The following PDE5A variants were observed in gnomAD, a reference collection of about 807,000 sequenced individuals.
PDE5A encodes cGMP-specific 3',5'-cyclic phosphodiesterase.
In PDE5A, 67 loss-of-function variants were observed where a neutral mutation model predicts 110.2. The observed-to-expected ratio is 0.61, with a 90% confidence interval of 0.50 to 0.75. PDE5A has a LOEUF of 0.75. Among genes scored for constraint, PDE5A ranks in the 30% least tolerant of loss-of-function variants. PDE5A has a pLI of 0.00. For missense variants in PDE5A, 862 were observed against 1,045.1 expected, an observed-to-expected ratio of 0.82 and a Z score of 2.42; for synonymous variants, 328 against 351.2, an observed-to-expected ratio of 0.93 and a Z score of 0.74.
chr4:119,507,534 G>A, intron 16 of PDE5A, 70 bp downstream of exon 16: 1 of 1,000,336 alleles, frequency 1.0e-6, no homozygotes, highest in Non-Finnish European at 1.5e-6. Context: ...TTCTCAATAT[G>A]GATGTCAAAA....
chr4:119,627,272 C>G lies in PDE5A; in HGVS notation c.152+1248G>C. On this transcript the variant is annotated intron_variant, in intron 1 of 20. Transcript: ENST00000354960. This position sits in a 1 kb window ranked among gnomAD's most constrained non-coding sequence, Gnocchi z 4.6. Reference sequence around the variant, plus strand: ...GCGCGCAGGTGAGGTGAGGTGAGGTCGGCGACTCAGAACCAGCTCCCTCAC... The same window carrying G: ...GCGCGCAGGTGAGGTGAGGTGAGGTGGGCGACTCAGAACCAGCTCCCTCAC... 1.9e-6 allele frequency: 3 copies of G among 1,556,420 alleles called. No homozygotes were observed. In the South Asian group the frequency reaches 3.5e-5, roughly 18 times the overall value.
intron 1 of PDE5A, among the ~76,000 whole-genome samples, chr4:119,608,900 G>A (rs1357143748): frequency 6.6e-6 from 1 of 152,088 alleles, no homozygotes; most frequent in Non-Finnish European, 1.5e-5. Flanking sequence ...GGTGGCTCAC[G>A]CCTGTAATCC....
chr4:119,606,043 T>C (rs938242145), intron 2 of PDE5A, among the ~76,000 whole-genome samples: 2 of 152,236 alleles, frequency 1.3e-5, no homozygotes, highest in East Asian at 1.9e-4. Context: ...TTATTTTAAA[T>C]GGGAAATTTG....
chr4:119,501,530 C>T (rs1405024613), intron 19 of PDE5A, among the ~76,000 whole-genome samples: 2 of 152,128 alleles, frequency 1.3e-5, no homozygotes, highest in Non-Finnish European at 1.5e-5. Flanking sequence ...AACTCCTGAC[C>T]TCAAGGGATC....
chr4:119,500,866 A>G (rs1019862537), intron 20 of PDE5A: 2 of 207,002 alleles, frequency 9.7e-6, no homozygotes, highest in Admixed American at 1.2e-4. Flanking sequence ...AGACTTAAAA[A>G]AAGAATATGC....
At chr4:119,614,904 A>C (rs1010016335) in intron 1 of PDE5A, among the ~76,000 whole-genome samples, 2 of 152,254 alleles carry the variant, frequency 1.3e-5, no homozygotes, top group Middle Eastern at 6.8e-3. Flanking sequence ...ATCCCTGATA[A>C]AACAAGAAAA....
chr4:119,559,845 T>A (rs1230791682), intron 7 of PDE5A, among the ~76,000 whole-genome samples: 1 of 152,056 alleles, frequency 6.6e-6, no homozygotes, highest in African/African-American at 2.4e-5. Flanking sequence ...TTCCAGGACA[T>A]CAGAAAACTC....
chr4:119,558,821 G>A (rs1457214929), intron 7 of PDE5A, among the ~76,000 whole-genome samples: 1 of 150,060 alleles, frequency 6.7e-6, no homozygotes, highest in Non-Finnish European at 1.5e-5. Context: ...GGAGGCTGAG[G>A]CGGGAGAATG....
At chr4:119,564,743 G>T (rs141983464) in intron 5 of PDE5A, among the ~76,000 whole-genome samples, 334 of 152,154 alleles carry the variant, frequency 2.2e-3, no homozygotes, top group African/African-American at 7.2e-3. Flanking sequence ...TAATTATAGT[G>T]CTTATAAATA....
chr4:119,522,094 C>T (rs1035595119), intron 12 of PDE5A, among the ~76,000 whole-genome samples: 1 of 152,058 alleles, frequency 6.6e-6, no homozygotes, highest in Non-Finnish European at 1.5e-5. Context: ...TCTTCATTGT[C>T]GGTAGAAACT....
In PDE5A at chr4:119,495,874, T is replaced by G. The variant is rs1283250445; in HGVS notation, c.*2727A>C. 1 of 152,144 alleles carries G rather than the reference T, an allele frequency of 6.6e-6. No individual in the cohort carries two copies. Among genetic ancestry groups the G allele is most frequent in the African/African-American group, 2.4e-5 (1 of 41,452 alleles). 9.4% of individuals were successfully genotyped at this position (152,144 alleles called of 1,614,324 possible). A position where few individuals can be genotyped will look rare whatever the true frequency, so the allele number is the denominator to read the frequency against. On this transcript the variant is annotated 3_prime_UTR_variant, in exon 21 of 21. Coordinates refer to ENST00000354960, the MANE Select transcript of PDE5A (RefSeq NM_001083.4). The stretch of plus-strand genomic sequence containing the variant: ...AATGACATGTGGGAATAGATCACCT[T>G]CTCTCTAGACTAATATCCCATTTCT...
rs201512063 is a variant in PDE5A at position 119,525,795 on chromosome 4, CT to C, written c.1633-101del. The C allele has an allele frequency of 1.8e-5, 21 of 1,139,606 alleles. No individual in the cohort carries two copies. Among genetic ancestry groups the C allele is most frequent in the East Asian group, 5.0e-5 (2 of 40,104 alleles). The allele number at this position is 1,139,606 out of a possible 1,614,324, so 70.6% of individuals were successfully genotyped here. ...GCTGCAGAGAAATAGCATATTGTGG[CT>C]TTTTTTTCCTTTTTAATGAAAGACA... On this transcript the variant is annotated intron_variant, in intron 11 of 20. Transcript: ENST00000354960. The surrounding 1 kb of genome is among the most constrained non-coding windows in gnomAD (Gnocchi z 4.3).
intron 3 of PDE5A, among the ~76,000 whole-genome samples, chr4:119,572,820 TA>T (rs1728190035): frequency 6.6e-6 from 1 of 152,222 alleles, no homozygotes; most frequent in Non-Finnish European, 1.5e-5. Flanking sequence ...ACAGAATTAC[TA>T]AATGTTAATA....
chr4:119,586,600 C>A (rs1471072336), intron 3 of PDE5A, among the ~76,000 whole-genome samples: 14 of 152,086 alleles, frequency 9.2e-5, no homozygotes, highest in Non-Finnish European at 2.9e-5. Context: ...TCAAAATTCA[C>A]CCCAGGGTGC....
intron 2 of PDE5A, among the ~76,000 whole-genome samples, chr4:119,602,685 C>T (rs921205241): frequency 3.3e-5 from 5 of 152,012 alleles, no homozygotes; most frequent in Admixed American, 6.5e-5. Context: ...TGAAACAATT[C>T]GTATTTCTTT....
chr4:119,527,942 TC>T (rs1251643333), intron 11 of PDE5A, among the ~76,000 whole-genome samples: 1 of 152,096 alleles, frequency 6.6e-6, no homozygotes, highest in African/African-American at 2.4e-5. Context: ...GAGCACAATG[TC>T]TCTGAATTCT....
At chr4:119,618,857 TG>T (rs1443570301) in intron 1 of PDE5A, among the ~76,000 whole-genome samples, 3 of 152,194 alleles carry the variant, frequency 2.0e-5, no homozygotes, top group Non-Finnish European at 2.9e-5. Flanking sequence ...TTCTTATCCA[TG>T]GGTACTTACT....
At chr4:119,590,549 A>C (rs1459512578) in intron 3 of PDE5A, among the ~76,000 whole-genome samples, 1 of 152,214 alleles carries the variant, frequency 6.6e-6, no homozygotes, top group Admixed American at 6.5e-5. Flanking sequence ...GGAGAGGGGA[A>C]GATTGCAAAA....
intron 1 of PDE5A, among the ~76,000 whole-genome samples, chr4:119,613,995 G>T (rs1389356874): frequency 6.6e-6 from 1 of 151,518 alleles, no homozygotes; most frequent in Non-Finnish European, 1.5e-5. Flanking sequence ...GCTGAATCTA[G>T]AAGTAAAAAT....
Sources: allele counts gnomAD v4.1 joint callset (sites outside exome capture counted in the v4.1 genomes callset), GRCh38; gene constraint gnomAD v4.1.1; non-coding constraint Gnocchi (gnomAD v3.1); transcripts MANE v1.5; gene names NCBI Gene and HGNC (gene_info 2026-07-23, HGNC 2026-07-21).